Variants in ANO6 observed in about 807,000 individuals in gnomAD.
ANO6 encodes anoctamin 6.
A neutral mutation model predicts 117.5 loss-of-function variants in ANO6; 106 were observed. The observed-to-expected ratio is 0.90, with a 90% CI of 0.77 to 1.06. The LOEUF is 1.06. Ranked by LOEUF, ANO6 falls within the 50% of genes least tolerant of loss-of-function variation. The probability of loss-of-function intolerance (pLI) is 0.00; values close to 1 mark genes in which losing one functional copy is unlikely to be tolerated. For missense variants in ANO6, 955 were observed against 1,121.1 expected (o/e 0.85, Z 2.12); for synonymous variants, 367 against 385.1 (o/e 0.95, Z 0.55).
In ANO6 at chr12:45,429,347, A is replaced by G. The variant is rs772557652; in HGVS notation, c.*36A>G. The G allele has an allele frequency of 6.2e-7, 1 of 1,602,740 alleles. No homozygotes were observed. Among genetic ancestry groups the G allele is most frequent in the Non-Finnish European group, 8.5e-7 (1 of 1,174,690 alleles). ...TTCTGAGAAGCACTTTAAGGAATTT[A>G]GCTTTGTCAAAATATATTAGGAATC... On this transcript the variant is annotated 3_prime_UTR_variant, in exon 20 of 20. Transcript: ENST00000320560.
chr12:45,348,747 TAC>T, intron 6 of ANO6, 116 bp downstream of exon 6: 2 of 792,982 alleles, frequency 2.5e-6, no homozygotes, highest in Non-Finnish European at 4.4e-6. Context: ...GAAGGGAACA[TAC>T]TGCAAGATTA....
intron 1 of ANO6, among the ~76,000 whole-genome samples, chr12:45,253,869 T>C (rs2137193711): frequency 6.6e-6 from 1 of 152,286 alleles, no homozygotes; most frequent in South Asian, 2.1e-4. Context: ...TAATTCACCA[T>C]TCATCAGGAA....
chr12:45,422,551 TAA>T (rs1333230704), intron 18 of ANO6, among the ~76,000 whole-genome samples: 2 of 151,674 alleles, frequency 1.3e-5, no homozygotes, highest in Non-Finnish European at 2.9e-5. Context: ...ATGTCCAGTT[TAA>T]AAGAGCATTG....
At position 45,371,562 on chromosome 12, in the gene ANO6, C is replaced by T. The variant is rs1243539747; in HGVS notation, c.1104+3769C>T. 5.9e-5 allele frequency among the ~76,000 whole-genome samples: 9 copies of T among 151,938 alleles called. 1 individual carries two copies. The highest frequency in any genetic ancestry group is 2.1e-4 in the South Asian group (1 of 4,784). On this transcript the variant is annotated intron_variant, in intron 9 of 19. Coordinates refer to ENST00000320560, the MANE Select transcript of ANO6 (RefSeq NM_001025356.3). The stretch of plus-strand genomic sequence containing the variant: ...AAGTGGGTCCCTGACCCCTGACCCC[C>T]GAGCAGCCTAACTGGGAGGCACCCC...
chr12:45,298,237 G>A (rs1265211663), intron 1 of ANO6, among the ~76,000 whole-genome samples: 1 of 152,200 alleles, frequency 6.6e-6, no homozygotes, highest in Non-Finnish European at 1.5e-5. Context: ...TGCCACTGAA[G>A]ATAGTACTTT....
intron 17 of ANO6, among the ~76,000 whole-genome samples, chr12:45,417,153 A>G (rs1943234784): frequency 6.6e-6 from 1 of 152,236 alleles, no homozygotes; most frequent in African/African-American, 2.4e-5. Flanking sequence ...TTTATTCAGT[A>G]TGAAATATGG....
intron 16 of ANO6, among the ~76,000 whole-genome samples, chr12:45,413,747 G>C (rs1943145773): frequency 6.6e-6 from 1 of 152,086 alleles, no homozygotes; most frequent in African/African-American, 2.4e-5. Flanking sequence ...GATGGAAAAG[G>C]GGCATAATGG....
Position 45,438,436 on chromosome 12 carries a change from C to G in ANO6, c.2527-1239C>G, listed in dbSNP as rs144458576. Among the ~76,000 whole-genome samples the G allele has an allele frequency of 1.8e-3, 277 of 152,188 alleles. 1 individual carries two copies. Among genetic ancestry groups the G allele is most frequent in the African/African-American group, 2.1e-3 (87 of 41,542 alleles). ...ATCCAAAATGCTCCAAAATCAGAAACTTTTTGAGTGCCAATGTGATGCCAT... is the reference window on the plus strand; with the variant it reads ...ATCCAAAATGCTCCAAAATCAGAAAGTTTTTGAGTGCCAATGTGATGCCAT... On this transcript the variant is annotated intron_variant, in intron 19 of 19. Transcript: ENST00000425752.
At chr12:45,317,862 C>A (rs145706243) in intron 2 of ANO6, among the ~76,000 whole-genome samples, 23 of 152,318 alleles carry the variant, frequency 1.5e-4, no homozygotes, top group African/African-American at 5.5e-4. Flanking sequence ...TTGCATTTCT[C>A]TGATGGCCAG....
chr12:45,369,557 G>A (rs762144918), intron 9 of ANO6, among the ~76,000 whole-genome samples: 1 of 151,604 alleles, frequency 6.6e-6, no homozygotes, highest in Non-Finnish European at 1.5e-5. Flanking sequence ...AGAATCCCTT[G>A]AGTCTTGTCA....
chr12:45,410,838 C>T (rs1284776960), intron 16 of ANO6, among the ~76,000 whole-genome samples: 4 of 152,196 alleles, frequency 2.6e-5, no homozygotes, highest in Admixed American at 6.5e-5. Flanking sequence ...CATGGAAACA[C>T]ATCTGCTTCC....
intron 1 of ANO6, among the ~76,000 whole-genome samples, chr12:45,301,616 C>CA (rs1225757195): frequency 0.033 from 2,479 of 75,596 alleles, 51 homozygotes; most frequent in African/African-American, 0.088. Flanking sequence ...GACCTTGTCT[C>CA]AAAAAAAAAA....
chr12:45,433,559 G>A (rs1012405911), downstream of ANO6, among the ~76,000 whole-genome samples: 1 of 152,216 alleles, frequency 6.6e-6, no homozygotes, highest in African/African-American at 2.4e-5. Flanking sequence ...TTTTGCCATT[G>A]ATAAGCAATG....
At chr12:45,390,636 A>G in intron 12 of ANO6, 138 bp downstream of exon 12, 1 of 780,346 alleles carries the variant, frequency 1.3e-6, no homozygotes, top group Non-Finnish European at 2.1e-6. Context: ...AGACAGACAG[A>G]TATTTCCAGA....
At chr12:45,374,136 T>C (rs1180219778) in intron 9 of ANO6, among the ~76,000 whole-genome samples, 15 of 143,496 alleles carry the variant, frequency 1.0e-4, no homozygotes, top group African/African-American at 3.9e-4. Flanking sequence ...ACATACACTC[T>C]CCCAAGACTA....
chr12:45,380,867 T>C (rs1343070214), intron 10 of ANO6, among the ~76,000 whole-genome samples: 2 of 152,038 alleles, frequency 1.3e-5, no homozygotes, highest in Non-Finnish European at 2.9e-5. Context: ...AACTGGAGGC[T>C]GAGGCACAAG....
At chr12:45,293,247 TATA>T (rs1364879584) in intron 1 of ANO6, among the ~76,000 whole-genome samples, 1 of 152,248 alleles carries the variant, frequency 6.6e-6, no homozygotes, top group Non-Finnish European at 1.5e-5. Context: ...ATTGAGCATC[TATA>T]ATATGCAAGG....
At position 45,404,318 on chromosome 12, in the gene ANO6, C is replaced by T. The variant is rs567137209; in HGVS notation, c.1880+782C>T. ...GCCCTTTACAATTTTCACTTAGGCC[C>T]CCTCCACTATCAAAGTGTAAAGTCC... is the stretch of plus-strand genomic sequence containing the variant. On this transcript the variant is annotated intron_variant, in intron 15 of 19. Coordinates refer to ENST00000320560, the MANE Select transcript of ANO6 (RefSeq NM_001025356.3). Among the ~76,000 whole-genome samples, 37 of 152,254 alleles carry T rather than the reference C, an allele frequency of 2.4e-4. No homozygotes were observed. In the South Asian group the frequency reaches 7.3e-3, roughly 30 times the overall value.
intron 8 of ANO6, among the ~76,000 whole-genome samples, chr12:45,363,261 G>T (rs1941600920): frequency 1.3e-5 from 2 of 152,014 alleles, no homozygotes; most frequent in African/African-American, 4.8e-5. Context: ...TCAGATTTTT[G>T]AATTAAAGGT....
Sources: allele counts gnomAD v4.1 joint callset (sites outside exome capture counted in the v4.1 genomes callset), GRCh38; gene constraint gnomAD v4.1.1; transcripts MANE v1.5; gene names NCBI Gene and HGNC (gene_info 2026-07-23, HGNC 2026-07-21).